The following MAST4 variants were observed in gnomAD, a reference collection of about 807,000 sequenced individuals.
MAST4 encodes the protein microtubule associated serine/threonine kinase family member 4, also known as microtubule-associated serine/threonine-protein kinase 4.
A neutral mutation model predicts 162.7 loss-of-function variants in MAST4; 89 were observed. The ratio of observed to expected loss-of-function variants is 0.55; its 90% CI spans 0.46 to 0.65. The LOEUF is 0.65. Among genes scored for constraint, MAST4 ranks in the 30% least tolerant of loss-of-function variants. The pLI is 0.00. For missense variants in MAST4, 3,153 were observed against 3,374.0 expected (o/e 0.93, Z 1.62); for synonymous variants, 1,479 against 1,361.1 (o/e 1.09, Z -1.91).
chr5:66,715,778 C>T (rs1750801668), intron 1 of MAST4, among the ~76,000 whole-genome samples: 1 of 148,710 alleles, frequency 6.7e-6, no homozygotes, highest in Non-Finnish European at 1.5e-5. Context: ...TGAAATATTG[C>T]TTATTCTGAC....
Position 67,054,475 on chromosome 5 carries a change from C to T in MAST4, c.746C>T (p.Pro249Leu), listed in dbSNP as rs1281164018. 6.2e-7 allele frequency: 1 copy of T among 1,609,916 alleles called. No individual in the cohort carries two copies. The highest frequency in any genetic ancestry group is 1.1e-5 in the South Asian group (1 of 90,000). ...QSPALPRPHS[P>L]LSAHAGNSPQ... Reference sequence around the variant, plus strand: ...CCAGCATTGCCTCGACCACACTCACCTCTCTCTGCTCATGCAGGTAATTGG... The same window carrying T: ...CCAGCATTGCCTCGACCACACTCACTTCTCTCTGCTCATGCAGGTAATTGG... Residue 249 changes from proline to leucine, a missense_variant, in exon 5 of 29, where the codon CCT (proline) becomes CTT (leucine). By Grantham distance (98) the Pro-to-Leu change is moderately conservative. Coordinates refer to ENST00000403625, the MANE Select transcript of MAST4 (RefSeq NM_001164664.2).
intron 3 of MAST4, among the ~76,000 whole-genome samples, chr5:66,822,121 C>T (rs890226057): frequency 3.3e-5 from 5 of 152,150 alleles, no homozygotes; most frequent in Admixed American, 2.0e-4. Context: ...CCCGGCCTGC[C>T]GAGTTTCTCT....
At chr5:67,090,540 C>T (rs1290190779) in intron 6 of MAST4, among the ~76,000 whole-genome samples, 1 of 146,334 alleles carries the variant, frequency 6.8e-6, no homozygotes. Context: ...GCCCCACTGG[C>T]CAAAGAGCTT....
At chr5:67,138,715 T>C (rs1393569686) in intron 19 of MAST4, among the ~76,000 whole-genome samples, 1 of 152,230 alleles carries the variant, frequency 6.6e-6, no homozygotes, top group East Asian at 1.9e-4. Flanking sequence ...ATTACAGACA[T>C]GAGCCATTGT....
intron 3 of MAST4, among the ~76,000 whole-genome samples, chr5:66,805,952 G>A (rs1756163292): frequency 6.6e-6 from 1 of 152,166 alleles, no homozygotes; most frequent in Non-Finnish European, 1.5e-5. Context: ...ATTTGCAGTT[G>A]TGAAATTATA....
intron 4 of MAST4, among the ~76,000 whole-genome samples, chr5:66,942,967 T>C (rs1350028133): frequency 6.6e-6 from 1 of 152,126 alleles, no homozygotes; most frequent in Non-Finnish European, 1.5e-5. Flanking sequence ...ATCTTCTTGC[T>C]ATGTCTTCTT....
intron 15 of MAST4, among the ~76,000 whole-genome samples, chr5:67,131,046 A>G (rs1273477165): frequency 2.0e-5 from 3 of 152,214 alleles, no homozygotes; most frequent in Non-Finnish European, 4.4e-5. Context: ...AGCTGTTGTC[A>G]TTGAACAGAA....
chr5:66,818,094 C>T (rs938314420), intron 3 of MAST4, among the ~76,000 whole-genome samples: 3 of 152,112 alleles, frequency 2.0e-5, no homozygotes, highest in African/African-American at 7.2e-5. Flanking sequence ...TTTCCAGGTC[C>T]TGTATACATA....
intron 10 of MAST4, among the ~76,000 whole-genome samples, chr5:67,107,615 G>C (rs980076374): frequency 1.3e-5 from 2 of 152,198 alleles, no homozygotes; most frequent in African/African-American, 4.8e-5. Flanking sequence ...GGTTTCCCCA[G>C]GATGCAGTTG....
Position 67,153,520 on chromosome 5 carries a change from C to T in MAST4, c.3588C>T (p.His1196=), listed in dbSNP as rs369636126. Residue 1196 remains histidine, a synonymous_variant, in exon 26 of 29, where the codon CAC becomes CAT. Transcript: ENST00000403625. The stretch of plus-strand genomic sequence containing the variant: ...TGAAGGCTGGAGATCTTATCACTCA[C>T]ATCAATGGAGAACCAGTGCATGGAC... ...AGLKAGDLIT[H]INGEPVHGLV... is the part of the protein sequence containing the mutation. 2.5e-6 allele frequency: 4 copies of T among 1,601,692 alleles called. No individual in the cohort carries two copies. The African/African-American group carries it at 4.0e-5, about 16-fold the overall frequency.
chr5:67,144,669 G>A lies in MAST4; in HGVS notation c.2731G>A (p.Val911Ile), dbSNP rs555690843. 1 of 1,613,118 alleles carries A rather than the reference G, an allele frequency of 6.2e-7. No individual in the cohort carries two copies. Among genetic ancestry groups the A allele is most frequent in the South Asian group, 1.1e-5 (1 of 90,762 alleles). The change falls in exon 22 of 29, where the codon GTT becomes ATT. Residue 911 changes from valine to isoleucine, a missense_variant and splice_region_variant. Physicochemically the swap from Val to Ile is conservative, Grantham distance 29. Transcript: ENST00000403625. ...FSSCSHRFSKVFSSIDRITQN... is the reference protein window; with the variant it reads ...FSSCSHRFSKIFSSIDRITQN... Reference sequence around the variant, plus strand: ...TAAGCACCAATTATTTGCCTTCCAGGTTTTCAGCAGTATAGATCGAATCAC... The same window carrying A: ...TAAGCACCAATTATTTGCCTTCCAGATTTTCAGCAGTATAGATCGAATCAC...
At chr5:66,820,812 T>C (rs186706173) in intron 3 of MAST4, among the ~76,000 whole-genome samples, 8 of 152,328 alleles carry the variant, frequency 5.3e-5, no homozygotes, top group African/African-American at 1.9e-4. Context: ...TCCTAGGATG[T>C]AATTTTTTCA....
chr5:66,739,245 G>A (rs1752343331), intron 1 of MAST4, among the ~76,000 whole-genome samples: 1 of 152,176 alleles, frequency 6.6e-6, no homozygotes, highest in South Asian at 2.1e-4. Flanking sequence ...GTAACATAAA[G>A]TGTAAAATTA....
intron 2 of MAST4, 136 bp from the exon 3 acceptor site, chr5:66,788,534 A>T: frequency 8.7e-7 from 1 of 1,151,938 alleles, no homozygotes; most frequent in Non-Finnish European, 1.3e-6. Flanking sequence ...GGTTGCTATT[A>T]ATGTTATTAC....
intron 4 of MAST4, among the ~76,000 whole-genome samples, chr5:66,934,079 C>T (rs1015324498): frequency 6.6e-6 from 1 of 151,984 alleles, no homozygotes; most frequent in African/African-American, 2.4e-5. Flanking sequence ...AAAATAAATA[C>T]AACATAATTG....
Position 66,934,525 on chromosome 5 carries a change from A to G in MAST4, c.674+34543A>G, listed in dbSNP as rs555457196. Among the ~76,000 whole-genome samples the G allele has an allele frequency of 5.3e-5, 8 of 152,298 alleles. No homozygotes were observed. In the South Asian group the frequency reaches 1.7e-3, roughly 32 times the overall value. On this transcript the variant is annotated intron_variant, in intron 4 of 28. Coordinates refer to ENST00000403625, the MANE Select transcript of MAST4 (RefSeq NM_001164664.2). ...CATTTCCTGTTTTGTAAGCCTGTTAACGACACGGCAACAAAATTTTTAAAA... is the reference window on the plus strand; with the variant it reads ...CATTTCCTGTTTTGTAAGCCTGTTAGCGACACGGCAACAAAATTTTTAAAA...
In MAST4 at chr5:67,002,474, A is replaced by G. The variant is rs148567781; in HGVS notation, c.675-51930A>G. Among the ~76,000 whole-genome samples the G allele has an allele frequency of 1.2e-3, 181 of 152,328 alleles. 4 individuals are homozygous for G. The highest frequency in any genetic ancestry group is 4.2e-3 in the African/African-American group (175 of 41,574). ...CTTTAGCCTTGAGGAACTCAGACTA[A>G]TTGGAAAGACAGCAGTAAACAGTCA... On this transcript the variant is annotated intron_variant, in intron 4 of 28. Coordinates refer to ENST00000403625, the MANE Select transcript of MAST4 (RefSeq NM_001164664.2).
chr5:67,122,487 A>G (rs1442958560), intron 14 of MAST4, among the ~76,000 whole-genome samples: 6 of 152,208 alleles, frequency 3.9e-5, no homozygotes. Context: ...GACCTCATTG[A>G]AACTTTTCTA....
chr5:67,101,193 G>A (rs1764987563), intron 8 of MAST4, among the ~76,000 whole-genome samples: 1 of 152,174 alleles, frequency 6.6e-6, no homozygotes, highest in South Asian at 2.1e-4. Flanking sequence ...GAGTGCTTTC[G>A]AAATTAGCAC....
Sources: allele counts gnomAD v4.1 joint callset (sites outside exome capture counted in the v4.1 genomes callset), GRCh38; gene constraint gnomAD v4.1.1; transcripts MANE v1.5; gene names NCBI Gene and HGNC (gene_info 2026-07-23, HGNC 2026-07-21).